The following SCFD2 variants were observed in gnomAD, a reference collection of about 807,000 sequenced individuals.
SCFD2 encodes sec1 family domain containing 2.
Under a neutral mutation model 58.9 loss-of-function variants are expected in SCFD2, and 54 were observed. That is an observed-to-expected ratio of 0.92 (90% CI 0.74 to 1.15). The LOEUF is 1.15. SCFD2 is among the 50% of genes most tolerant of loss of function. The pLI, the probability that SCFD2 is intolerant of heterozygous loss-of-function variation, is 0.00. For missense variants in SCFD2, 805 were observed against 836.6 expected, an observed-to-expected ratio of 0.96 and a Z score of 0.47; for synonymous variants, 321 against 335.9, an observed-to-expected ratio of 0.96 and a Z score of 0.49.
chr4:52,903,274 G>A (rs1368210917), intron 7 of SCFD2, among the ~76,000 whole-genome samples: 5 of 152,188 alleles, frequency 3.3e-5, no homozygotes, highest in African/African-American at 9.6e-5. Flanking sequence ...CATGGTGGGC[G>A]AGGCAAGAGC....
chr4:53,003,169 C>G (rs750253502), intron 5 of SCFD2, among the ~76,000 whole-genome samples: 10 of 152,198 alleles, frequency 6.6e-5, no homozygotes, highest in Non-Finnish European at 1.0e-4. Flanking sequence ...ACCCATCTCT[C>G]TCTTTTCCCT....
At chr4:53,315,255 A>C (rs1732824607) in intron 2 of SCFD2, among the ~76,000 whole-genome samples, 2 of 151,948 alleles carry the variant, frequency 1.3e-5, no homozygotes, top group South Asian at 4.1e-4. Context: ...GCAAAAAAAA[A>C]AAAAAAAAGC....
intron 5 of SCFD2, among the ~76,000 whole-genome samples, chr4:52,930,851 G>C (rs980635733): frequency 6.6e-6 from 1 of 152,204 alleles, no homozygotes; most frequent in Admixed American, 6.5e-5. Context: ...GAAATACAAT[G>C]TTTGAGGTTA....
At chr4:52,967,913 A>G (rs986221493) in intron 5 of SCFD2, among the ~76,000 whole-genome samples, 1 of 152,124 alleles carries the variant, frequency 6.6e-6, no homozygotes, top group Non-Finnish European at 1.5e-5. Flanking sequence ...CAGTTCCAAT[A>G]TAACTTCAGC....
intron 4 of SCFD2, among the ~76,000 whole-genome samples, chr4:53,208,169 C>T (rs865867198): frequency 2.6e-5 from 4 of 151,254 alleles, no homozygotes; most frequent in Admixed American, 6.6e-5. Flanking sequence ...AGAGAGACAG[C>T]GTTTGCCATA....
At chr4:52,959,302 G>C (rs1439889317) in intron 5 of SCFD2, among the ~76,000 whole-genome samples, 1 of 152,102 alleles carries the variant, frequency 6.6e-6, no homozygotes, top group Non-Finnish European at 1.5e-5. Context: ...CTGGGTCAGT[G>C]CTCCTCAAAG....
intron 5 of SCFD2, among the ~76,000 whole-genome samples, chr4:53,075,409 C>CT (rs1309866121): frequency 6.6e-6 from 1 of 152,186 alleles, no homozygotes; most frequent in Admixed American, 6.6e-5. Context: ...CGGAGGAGCA[C>CT]TTTCAATTTC....
At chr4:52,897,083 A>T (rs1719037722) in intron 7 of SCFD2, among the ~76,000 whole-genome samples, 1 of 152,226 alleles carries the variant, frequency 6.6e-6, no homozygotes, top group African/African-American at 2.4e-5. Context: ...TTCTAGATAT[A>T]CAATCATGTC....
intron 7 of SCFD2, among the ~76,000 whole-genome samples, chr4:52,889,701 A>T (rs1402601774): frequency 6.6e-6 from 1 of 152,236 alleles, no homozygotes; most frequent in Non-Finnish European, 1.5e-5. Flanking sequence ...CATTAATTTT[A>T]AAGTAAACAA....
intron 5 of SCFD2, among the ~76,000 whole-genome samples, chr4:53,049,182 A>G (rs1308865324): frequency 6.6e-6 from 1 of 152,166 alleles, no homozygotes; most frequent in Non-Finnish European, 1.5e-5. Flanking sequence ...ACAAATTTTA[A>G]TCTTTGTGAG....
rs185820548 is a variant in SCFD2, at chr4:53,182,681, C to T, written c.1312-37099G>A. ...ATCTCATTAAACTAAAGAGCTTCTG[C>T]GCAGCAAAAGAAACTACCATCATAG... is the stretch of plus-strand genomic sequence containing the variant. On this transcript the variant is annotated intron_variant, in intron 4 of 8. Transcript: ENST00000401642. Among the ~76,000 whole-genome samples, 524 of 152,232 alleles carry T rather than the reference C, an allele frequency of 3.4e-3. 3 individuals are homozygous for T. The highest frequency in any genetic ancestry group is 0.011 in the African/African-American group (470 of 41,536).
At chr4:53,239,967 T>G (rs577185655) in intron 4 of SCFD2, among the ~76,000 whole-genome samples, 21 of 152,328 alleles carry the variant, frequency 1.4e-4, no homozygotes, top group African/African-American at 4.1e-4. Flanking sequence ...AGTTCAGTGT[T>G]GCTGAAATAA....
At position 53,277,866 on chromosome 4, in the gene SCFD2, C is replaced by A. The variant is rs570748649; in HGVS notation, c.1136-3865G>T. ...AGGAGATGGAGACCATCCTGGCTAACACGGTGAAACCCCGTCCCTACTAAA... is the reference window on the plus strand; with the variant it reads ...AGGAGATGGAGACCATCCTGGCTAAAACGGTGAAACCCCGTCCCTACTAAA... On this transcript the variant is annotated intron_variant, in intron 3 of 8. Transcript: ENST00000401642. Among the ~76,000 whole-genome samples the A allele has an allele frequency of 4.0e-5, 6 of 150,758 alleles. No homozygotes were observed. The East Asian group carries it at 9.9e-4, about 25-fold the overall frequency.
intron 5 of SCFD2, among the ~76,000 whole-genome samples, chr4:52,973,676 A>T (rs1383518604): frequency 6.6e-6 from 1 of 152,250 alleles, no homozygotes; most frequent in African/African-American, 2.4e-5. Context: ...TTATGAGGCC[A>T]GCATCATCCT....
intron 5 of SCFD2, among the ~76,000 whole-genome samples, chr4:52,925,507 A>G (rs1719843235): frequency 6.6e-6 from 1 of 151,908 alleles, no homozygotes; most frequent in African/African-American, 2.4e-5. Flanking sequence ...TTGTAGCTAG[A>G]CCTTAGATCC....
In SCFD2 at chr4:52,874,078, G is replaced by A. The variant is rs754206919; in HGVS notation, c.1963-17C>T. 2 of 1,558,536 alleles carry A rather than the reference G, an allele frequency of 1.3e-6. No individual in the cohort carries two copies. The highest frequency in any genetic ancestry group is 1.4e-5 in the African/African-American group (1 of 73,872). On this transcript the variant is annotated splice_polypyrimidine_tract_variant and intron_variant, in intron 8 of 8. Transcript: ENST00000401642. Reference sequence around the variant, plus strand: ...CACGATTACCTAACAACAGGAGAGGGCAAACACACCGCAGGGAATTAGGGG... The same window carrying A: ...CACGATTACCTAACAACAGGAGAGGACAAACACACCGCAGGGAATTAGGGG...
chr4:53,242,209 A>T (rs6846461), intron 4 of SCFD2, among the ~76,000 whole-genome samples: 1 of 152,094 alleles, frequency 6.6e-6, no homozygotes, highest in Non-Finnish European at 1.5e-5. Flanking sequence ...TATGAAGTGC[A>T]TTGGCTGACA....
At chr4:53,244,820 G>GAA (rs57139765) in intron 4 of SCFD2, among the ~76,000 whole-genome samples, 47 of 118,860 alleles carry the variant, frequency 4.0e-4, no homozygotes, top group South Asian at 3.0e-3. Flanking sequence ...GGGTATTTCT[G>GAA]AAAAAAAAAA....
intron 3 of SCFD2, among the ~76,000 whole-genome samples, chr4:53,294,186 A>G (rs747595697): frequency 2.0e-5 from 3 of 152,132 alleles, no homozygotes; most frequent in Non-Finnish European, 2.9e-5. Flanking sequence ...GTCAAATGGT[A>G]TTTCTAGTTC....
Sources: allele counts gnomAD v4.1 joint callset (sites outside exome capture counted in the v4.1 genomes callset), GRCh38; gene constraint gnomAD v4.1.1; transcripts MANE v1.5; gene names NCBI Gene and HGNC (gene_info 2026-07-23, HGNC 2026-07-21).